The following DUOXA2 variants were observed in gnomAD, a reference collection of about 807,000 sequenced individuals.
DUOXA2 encodes the protein dual oxidase maturation factor 2.
A neutral mutation model predicts 27.6 loss-of-function variants in DUOXA2; 22 were observed. That is an observed-to-expected ratio of 0.80 (90% CI 0.57 to 1.14). The LOEUF is 1.14. DUOXA2 is among the 50% of genes most tolerant of loss of function. DUOXA2 has a pLI of 0.00. For synonymous variants in DUOXA2, 188 were observed against 184.4 expected, an observed-to-expected ratio of 1.02 and a Z score of -0.16; for missense variants, 481 against 419.9, an observed-to-expected ratio of 1.15 and a Z score of -1.27.
At position 45,118,395 on chromosome 15, in the gene DUOXA2, A is replaced by C; in HGVS notation, c.*486A>C. On this transcript the variant is annotated 3_prime_UTR_variant, in exon 6 of 6. Transcript: ENST00000323030. ...GCTAGCCCAGCTGAGTGGGGTGGGA[A>C]GGAATAGCGTTTTGGAGTTGATTCC... is the stretch of plus-strand genomic sequence containing the variant. 1 of 1,070,680 alleles carries C rather than the reference A, an allele frequency of 9.3e-7. No individual in the cohort carries two copies. The allele number at this position is 1,070,680 out of a possible 1,614,324, so 66.3% of individuals were successfully genotyped here.
At chr15:45,114,869 G>A (rs983970538) in intron 1 of DUOXA2, 117 bp downstream of exon 1, 6 of 1,495,394 alleles carry the variant, frequency 4.0e-6, no homozygotes, top group East Asian at 4.5e-5. Flanking sequence ...TCGAATTGAG[G>A]CTCAGGTGGA....
rs1031433010 is a variant in DUOXA2, at chr15:45,117,092, G to T, written c.556G>T (p.Val186Leu). 3 of 1,598,616 alleles carry T rather than the reference G, an allele frequency of 1.9e-6. No homozygotes were observed. Among genetic ancestry groups the T allele is most frequent in the African/African-American group, 2.7e-5 (2 of 74,938 alleles). The change falls in exon 5 of 6, where the codon GTG (valine) becomes TTG (leucine). Residue 186 changes from valine to leucine, a missense_variant and splice_region_variant. Physicochemically the swap from Val to Leu is conservative, Grantham distance 32 (BLOSUM62 1). Transcript: ENST00000323030. ...GCGGGTCCCCCCACTCCCCGGCAGG[G>T]TGGCGTTCTGCTTCTGGCTCCTCTC... ...AGHYASATLW[V>L]AFCFWLLSNV... is the part of the protein sequence containing the mutation.
In DUOXA2 at chr15:45,116,518, A is replaced by G; in HGVS notation, c.343A>G (p.Thr115Ala). 6.2e-7 allele frequency: 1 copy of G among 1,613,706 alleles called. No individual in the cohort carries two copies. The highest frequency in any genetic ancestry group is 1.3e-5 in the African/African-American group (1 of 75,026). Residue 115 changes from threonine to alanine, a missense_variant and splice_region_variant, in exon 4 of 6, where the codon ACC becomes GCC. Coordinates refer to ENST00000323030, the MANE Select transcript of DUOXA2 (RefSeq NM_207581.4). ...CATGAGCCCGCCTCACCCCACAGGG[A>G]CCCCAGTGCATCAGCTGAACGAGAC... ...LEGINITLTG[T>A]PVHQLNETID... is the part of the protein sequence containing the mutation.
chr15:45,118,016 C>A lies in DUOXA2; in HGVS notation c.*107C>A. On this transcript the variant is annotated 3_prime_UTR_variant, in exon 6 of 6. Coordinates refer to ENST00000323030, the MANE Select transcript of DUOXA2 (RefSeq NM_207581.4). ...GCTCCAGGAAGGGCACTGAGCGCTG[C>A]TGGCGCGAGGCCTCGGACATCCGCA... is the stretch of plus-strand genomic sequence containing the variant. The A allele has an allele frequency of 6.2e-7, 1 of 1,604,298 alleles. No individual in the cohort carries two copies. The highest frequency in any genetic ancestry group is 8.5e-7 in the Non-Finnish European group (1 of 1,173,090).
In DUOXA2 at chr15:45,116,642, A is replaced by T; in HGVS notation, c.467A>T (p.Tyr156Phe). 1 of 1,613,830 alleles carries T rather than the reference A, an allele frequency of 6.2e-7. No homozygotes were observed. ...AAGGGGCTGCCGGACCCAGTGCTCT[A>T]CCTGGCGGAGAAGTTCACACCGAGT... is the stretch of plus-strand genomic sequence containing the variant. ...LEKGLPDPVL[Y>F]LAEKFTPSSP... The change falls in exon 4 of 6, where the codon TAC becomes TTC. Residue 156 changes from tyrosine (Y) to phenylalanine (F), a missense_variant. Transcript: ENST00000323030.
At chr15:45,117,686 C>T in intron 5 of DUOXA2, 30 bp from the exon 6 acceptor site, 1 of 1,613,880 alleles carries the variant, frequency 6.2e-7, no homozygotes, top group Non-Finnish European at 8.5e-7. Context: ...CTCCACATGC[C>T]CTCCTTTCTT....
rs1894547915 is a variant in DUOXA2 at position 45,114,416 on chromosome 15, C to A, written c.-190C>A. On this transcript the variant is annotated 5_prime_UTR_variant, in exon 1 of 6. Coordinates refer to ENST00000323030, the MANE Select transcript of DUOXA2 (RefSeq NM_207581.4). ...CTAGAAAAACTCTGTCGGTACCAAC[C>A]CCAGAGCGTTGAGAGCAGCCCACCT... 2.9e-6 allele frequency: 2 copies of A among 694,456 alleles called. No homozygotes were observed. The highest frequency in any genetic ancestry group is 1.8e-5 in the African/African-American group (1 of 56,082). 43.0% of individuals were successfully genotyped at this position (694,456 alleles called of 1,614,324 possible).
intron 2 of DUOXA2, 118 bp from the exon 3 acceptor site, chr15:45,116,006 A>T: frequency 6.3e-7 from 1 of 1,595,164 alleles, no homozygotes; most frequent in Non-Finnish European, 8.6e-7. Flanking sequence ...GGCCCTTACC[A>T]TGCAACCACA....
chr15:45,118,057 C>T lies in DUOXA2; in HGVS notation c.*148C>T. On this transcript the variant is annotated 3_prime_UTR_variant, in exon 6 of 6. Transcript: ENST00000323030. ...GACATCCGCAGGCACCAGGGAAAGTCTCCTGGGGCGATCTGTAAATAAACC... is the reference window on the plus strand; with the variant it reads ...GACATCCGCAGGCACCAGGGAAAGTTTCCTGGGGCGATCTGTAAATAAACC... 1 of 1,559,584 alleles carries T rather than the reference C, an allele frequency of 6.4e-7. No homozygotes were observed. Among genetic ancestry groups the T allele is most frequent in the Non-Finnish European group, 8.7e-7 (1 of 1,154,210 alleles).
At chr15:45,115,665 C>T in intron 1 of DUOXA2, 134 bp from the exon 2 acceptor site, 2 of 1,064,100 alleles carry the variant, frequency 1.9e-6, no homozygotes, top group South Asian at 1.3e-5. Context: ...GAGGGACTTG[C>T]AGGAAAAGCG....
Position 45,117,787 on chromosome 15 carries a change from C to A in DUOXA2, c.841C>A (p.Leu281Ile). The A allele has an allele frequency of 1.2e-6, 2 of 1,614,014 alleles. No homozygotes were observed. Among genetic ancestry groups the A allele is most frequent in the South Asian group, 1.1e-5 (1 of 91,078 alleles). ...TGTTCGGCCCAGCGCTCTTCGCACC[C>A]TTCTGGACCAAAGCGCCAAGGACTG... ...QYVRPSALRT[L>I]LDQSAKDCSQ... is the part of the protein sequence containing the mutation. The change falls in exon 6 of 6, where the codon CTT becomes ATT. Residue 281 changes from leucine to isoleucine, a missense_variant. Transcript: ENST00000323030.
At position 45,114,415 on chromosome 15, in the gene DUOXA2, C is replaced by A; in HGVS notation, c.-191C>A. 2.9e-6 allele frequency: 2 copies of A among 691,664 alleles called. No individual in the cohort carries two copies. The highest frequency in any genetic ancestry group is 4.9e-6 in the Non-Finnish European group (2 of 408,074). 42.8% of individuals were successfully genotyped at this position (691,664 alleles called of 1,614,324 possible). On this transcript the variant is annotated 5_prime_UTR_variant, in exon 1 of 6. Transcript: ENST00000323030. The stretch of plus-strand genomic sequence containing the variant: ...GCTAGAAAAACTCTGTCGGTACCAA[C>A]CCCAGAGCGTTGAGAGCAGCCCACC...
At chr15:45,115,915 G>A (rs1311594331) in intron 2 of DUOXA2, 59 bp downstream of exon 2, 1 of 1,609,186 alleles carries the variant, frequency 6.2e-7, no homozygotes, top group South Asian at 1.1e-5. Flanking sequence ...GTGGGCAGAG[G>A]GCACCTGGGA....
In DUOXA2 at chr15:45,114,761, G is replaced by A; in HGVS notation, c.147+9G>A. On this transcript the variant is annotated intron_variant, in intron 1 of 5. Coordinates refer to ENST00000323030, the MANE Select transcript of DUOXA2 (RefSeq NM_207581.4). ...GGATCCGTGGCCACTCGGTAAGGGT[G>A]TCCTCATAGTGCAGGTAGAGTGGGG... 1 of 1,614,202 alleles carries A rather than the reference G, an allele frequency of 6.2e-7. No homozygotes were observed. The highest frequency in any genetic ancestry group is 8.5e-7 in the Non-Finnish European group (1 of 1,180,042).
rs1432250764 is a variant in DUOXA2 at position 45,116,225 on chromosome 15, G to A, written c.307G>A (p.Val103Met). 1.9e-6 allele frequency: 3 copies of A among 1,614,100 alleles called. No homozygotes were observed. The highest frequency in any genetic ancestry group is 2.5e-6 in the Non-Finnish European group (3 of 1,180,040). ...CGTTACAGCCCGTGTCCGTCTGCTCGTGGGCCTGGAGGGCATTAATATTAC... is the reference window on the plus strand; with the variant it reads ...CGTTACAGCCCGTGTCCGTCTGCTCATGGGCCTGGAGGGCATTAATATTAC... ...ARVTARVRLLVGLEGINITLT... is the reference protein window; with the variant it reads ...ARVTARVRLLMGLEGINITLT... Residue 103 changes from valine (V) to methionine (M), a missense_variant, in exon 3 of 6, where the codon GTG becomes ATG. Physicochemically the swap from Val to Met is conservative, Grantham distance 21 (BLOSUM62 1). Coordinates refer to ENST00000323030, the MANE Select transcript of DUOXA2 (RefSeq NM_207581.4).
In DUOXA2 at chr15:45,116,201, G is replaced by T. The variant is rs1226344871; in HGVS notation, c.283G>T (p.Val95Phe). The change falls in exon 3 of 6, where the codon GTT becomes TTT. Residue 95 changes from valine to phenylalanine, a missense_variant. Transcript: ENST00000323030. ...TSYKAFSAAR[V>F]TARVRLLVGL... is the part of the protein sequence containing the mutation. ...CTACAAAGCCTTCAGCGCAGCGCGC[G>T]TTACAGCCCGTGTCCGTCTGCTCGT... 5 of 1,614,006 alleles carry T rather than the reference G, an allele frequency of 3.1e-6. No homozygotes were observed. The highest frequency in any genetic ancestry group is 1.6e-4 in the Middle Eastern group (1 of 6,084).
In DUOXA2 at chr15:45,117,231, T is replaced by A; in HGVS notation, c.695T>A (p.Leu232His). The A allele has an allele frequency of 6.2e-7, 1 of 1,610,494 alleles. No individual in the cohort carries two copies. Among genetic ancestry groups the A allele is most frequent in the Non-Finnish European group, 8.5e-7 (1 of 1,179,706 alleles). The change falls in exon 5 of 6, where the codon CTC becomes CAC. Residue 232 changes from leucine (L) to histidine (H), a missense_variant. Leu to His is a moderately conservative substitution (Grantham distance 99). Transcript: ENST00000323030. ...TTGGCCTCCATCTCTAGCGTGCCGC[T>A]CTGCCCGCTCCGCCTAGGCTCCTCC... is the stretch of plus-strand genomic sequence containing the variant. ...FALASISSVP[L>H]CPLRLGSSAL...
At position 45,115,811 on chromosome 15, in the gene DUOXA2, T is replaced by C; in HGVS notation, c.160T>C (p.Leu54=). The change falls in exon 2 of 6, where the codon TTG becomes CTG. Residue 54 remains leucine (L), a synonymous_variant. Transcript: ENST00000323030. The part of the protein sequence containing the change: ...GIRGHSRWFW[L]VRVLLSLFIG... ...CCTATTCCTGCAGCGCTGGTTTTGG[T>C]TGGTGAGAGTTCTTCTCAGTCTGTT... 1 of 1,614,006 alleles carries C rather than the reference T, an allele frequency of 6.2e-7. No homozygotes were observed. Among genetic ancestry groups the C allele is most frequent in the Non-Finnish European group, 8.5e-7 (1 of 1,180,000 alleles).
rs1251877778 is a variant in DUOXA2 at position 45,117,232 on chromosome 15, C to G, written c.696C>G (p.Leu232=). Residue 232 remains leucine, a synonymous_variant, in exon 5 of 6, where the codon CTC becomes CTG. Coordinates refer to ENST00000323030, the MANE Select transcript of DUOXA2 (RefSeq NM_207581.4). ...TGGCCTCCATCTCTAGCGTGCCGCTCTGCCCGCTCCGCCTAGGCTCCTCCG... is the reference window on the plus strand; with the variant it reads ...TGGCCTCCATCTCTAGCGTGCCGCTGTGCCCGCTCCGCCTAGGCTCCTCCG... ...FALASISSVP[L]CPLRLGSSAL... 1 of 1,610,498 alleles carries G rather than the reference C, an allele frequency of 6.2e-7. No individual in the cohort carries two copies. Among genetic ancestry groups the G allele is most frequent in the Admixed American group, 1.7e-5 (1 of 59,978 alleles).
Sources: allele counts gnomAD v4.1 joint callset, GRCh38; gene constraint gnomAD v4.1.1; transcripts MANE v1.5; gene names NCBI Gene and HGNC (gene_info 2026-07-23, HGNC 2026-07-21).